The following BMP1 variants were observed in gnomAD, a reference collection of about 807,000 sequenced individuals.
BMP1 encodes mammalian tolloid protein.
Under a neutral mutation model 116.8 loss-of-function variants are expected in BMP1, and 63 were observed. That is an observed-to-expected ratio of 0.54 (90% confidence interval 0.44 to 0.67). The LOEUF (loss-of-function observed/expected upper bound fraction) is 0.67. BMP1 is among the 30% of genes least tolerant of loss of function. BMP1 has a pLI of 0.00. For synonymous variants in BMP1, 536 were observed against 533.4 expected (o/e 1.00, Z -0.07); for missense variants, 1,183 against 1,358.9 (o/e 0.87, Z 2.04).
intron 15 of BMP1, among the ~76,000 whole-genome samples, chr8:22,197,917 G>A (rs537630523): frequency 2.6e-5 from 4 of 152,298 alleles, no homozygotes; most frequent in Non-Finnish European, 2.9e-5. Flanking sequence ...GGGCGCGGTG[G>A]CTCACGCCTG....
intron 19 of BMP1, 55 bp downstream of exon 19, chr8:22,209,750 C>A: frequency 3.8e-6 from 6 of 1,571,240 alleles, no homozygotes; most frequent in Non-Finnish European, 5.2e-6. Flanking sequence ...CCACACTGTC[C>A]TCCACCCTTC....
chr8:22,177,831 C>A, intron 5 of BMP1, 21 bp from the exon 6 acceptor site: 1 of 1,575,230 alleles, frequency 6.3e-7, no homozygotes, highest in Non-Finnish European at 8.7e-7. Context: ...TCCCCCCACA[C>A]CCTTTTCCTG....
intron 8 of BMP1, among the ~76,000 whole-genome samples, chr8:22,187,638 C>T (rs561382107): frequency 2.6e-5 from 4 of 151,600 alleles, no homozygotes; most frequent in Non-Finnish European, 4.4e-5. Flanking sequence ...TGTGAGCCAC[C>T]GTGCCCGGCC....
At chr8:22,172,237 C>G (rs1326919050) in intron 1 of BMP1, among the ~76,000 whole-genome samples, 1 of 152,214 alleles carries the variant, frequency 6.6e-6, no homozygotes, top group Non-Finnish European at 1.5e-5. Context: ...TGGGTCCCAC[C>G]TGTAGCCCAG....
intron 8 of BMP1, among the ~76,000 whole-genome samples, chr8:22,181,085 C>T (rs1563249327): frequency 6.6e-6 from 1 of 152,244 alleles, no homozygotes; most frequent in Admixed American, 6.5e-5. Context: ...CTCCTTCTCA[C>T]CCATCCTTCC....
rs530045019 is a variant in BMP1, at chr8:22,195,912, G to T, written c.1765+325G>T. On this transcript the variant is annotated intron_variant, in intron 13 of 19. Transcript: ENST00000306385. The stretch of plus-strand genomic sequence containing the variant: ...ACTCCTCCTGCCTCGGCCTCCCAAA[G>T]TGCTGGGATCACAGGCTTGAGTCAC... 3.3e-5 allele frequency among the ~76,000 whole-genome samples: 5 copies of T among 152,186 alleles called. No individual in the cohort carries two copies. The East Asian group carries it at 9.7e-4, about 29-fold the overall frequency.
chr8:22,180,361 C>T lies in BMP1; in HGVS notation c.962-7C>T. The T allele has an allele frequency of 2.5e-6, 4 of 1,609,808 alleles. No individual in the cohort carries two copies. Among genetic ancestry groups the T allele is most frequent in the Non-Finnish European group, 3.4e-6 (4 of 1,176,270 alleles). On this transcript the variant is annotated splice_region_variant and splice_polypyrimidine_tract_variant and intron_variant, in intron 7 of 19. Coordinates refer to ENST00000306385, the MANE Select transcript of BMP1 (RefSeq NM_006129.5). ...CAGCCCTGCCCTGTCATTTCCTTTC[C>T]TCACAGCCTGTGGAGAGACCCTGCA...
At chr8:22,183,961 TA>T (rs1828697791) in intron 8 of BMP1, among the ~76,000 whole-genome samples, 1 of 152,206 alleles carries the variant, frequency 6.6e-6, no homozygotes, top group Non-Finnish European at 1.5e-5. Context: ...CTGTTTTGGA[TA>T]TGAGAAACCA....
At chr8:22,207,924 C>T (rs1166257914) in intron 18 of BMP1, among the ~76,000 whole-genome samples, 1 of 151,986 alleles carries the variant, frequency 6.6e-6, no homozygotes, top group African/African-American at 2.4e-5. Flanking sequence ...TGCTCTGTCG[C>T]CCAGGCTGGA....
intron 12 of BMP1, among the ~76,000 whole-genome samples, chr8:22,195,127 A>G (rs1321739041): frequency 6.6e-6 from 1 of 152,132 alleles, no homozygotes; most frequent in Non-Finnish European, 1.5e-5. Context: ...TTCAGGGAGG[A>G]AAAAAGGCAG....
intron 15 of BMP1, among the ~76,000 whole-genome samples, chr8:22,200,183 A>C (rs775953938): frequency 3.3e-5 from 5 of 152,216 alleles, no homozygotes; most frequent in Non-Finnish European, 7.3e-5. Flanking sequence ...GCTGCGGCAC[A>C]CACACCCCTG....
chr8:22,210,109 C>T (rs1007761891), intron 19 of BMP1, among the ~76,000 whole-genome samples: 2 of 152,260 alleles, frequency 1.3e-5, no homozygotes, highest in Admixed American at 1.3e-4. Context: ...TGGCCCTCAC[C>T]AGTCCTTTTG....
intron 16 of BMP1, among the ~76,000 whole-genome samples, chr8:22,205,786 T>TTG (rs1443658054): frequency 2.6e-5 from 4 of 152,252 alleles, no homozygotes; most frequent in African/African-American, 9.6e-5. Context: ...GTTTTTGTTT[T>TTG]TTAATTTTAA....
intron 1 of BMP1, among the ~76,000 whole-genome samples, chr8:22,172,153 C>T (rs746801574): frequency 3.3e-5 from 5 of 152,168 alleles, no homozygotes; most frequent in African/African-American, 4.8e-5. Flanking sequence ...GTAACGCGAC[C>T]GCCAGGCCTG....
chr8:22,175,417 T>C (rs1828403378), intron 2 of BMP1, among the ~76,000 whole-genome samples: 1 of 152,236 alleles, frequency 6.6e-6, no homozygotes, highest in Non-Finnish European at 1.5e-5. Flanking sequence ...TTTACGATTA[T>C]TGTCAATTCT....
chr8:22,180,331 G>A lies in BMP1; in HGVS notation c.962-37G>A, dbSNP rs78637678. On this transcript the variant is annotated intron_variant, in intron 7 of 19. Coordinates refer to ENST00000306385, the MANE Select transcript of BMP1 (RefSeq NM_006129.5). ...GAGCCAGAAGATGGGGGGATTTGGC[G>A]CCTGCAGCCCTGCCCTGTCATTTCC... The A allele has an allele frequency of 1.3e-3, 2,044 of 1,550,988 alleles. 39 individuals carry two copies. In the East Asian group the frequency reaches 0.035, roughly 27 times the overall value.
chr8:22,185,835 T>C (rs1828754670), intron 8 of BMP1, among the ~76,000 whole-genome samples: 1 of 144,288 alleles, frequency 6.9e-6, no homozygotes. Context: ...TTTCTTTTTT[T>C]TTTTTTTTTT....
chr8:22,207,941 T>C (rs975540935), intron 18 of BMP1, among the ~76,000 whole-genome samples: 6 of 152,160 alleles, frequency 3.9e-5, no homozygotes, highest in Non-Finnish European at 5.9e-5. Context: ...TGGAGTGCAG[T>C]GGTTCGATCT....
At chr8:22,201,688 C>T in intron 15 of BMP1, 115 bp from the exon 16 acceptor site, 1 of 1,512,500 alleles carries the variant, frequency 6.6e-7, no homozygotes, top group Non-Finnish European at 8.8e-7. Context: ...CCAGCTCTGC[C>T]AGCTGTTGCT....
Sources: gnomAD v4.1 joint callset for allele counts (sites outside exome capture counted in the v4.1 genomes callset) on GRCh38, gnomAD v4.1.1 for gene constraint, MANE v1.5 for transcripts, NCBI Gene and HGNC (gene_info 2026-07-23, HGNC 2026-07-21) for gene names.